The following IMP3 variants were observed in gnomAD, a reference collection of about 807,000 sequenced individuals.
The protein encoded by IMP3 is U3 small nucleolar ribonucleoprotein IMP3.
A neutral mutation model predicts 10.2 loss-of-function variants in IMP3; 17 were observed. The observed-to-expected ratio is 1.67, with a 90% CI of 1.14 to 2.50. The LOEUF (loss-of-function observed/expected upper bound fraction) is 2.50. IMP3 is among the 30% of genes most tolerant of loss of function. The pLI is 0.00. For synonymous variants in IMP3, 167 were observed against 120.1 expected, an observed-to-expected ratio of 1.39 and a Z score of -2.55; for missense variants, 290 against 260.2, an observed-to-expected ratio of 1.11 and a Z score of -0.79.
At position 75,639,633 on chromosome 15, in the gene IMP3, T is replaced by C. The variant is rs1893393743; in HGVS notation, c.536A>G (p.Asp179Gly). 2 of 1,613,666 alleles carry C rather than the reference T, an allele frequency of 1.2e-6. No individual in the cohort carries two copies. The highest frequency in any genetic ancestry group is 1.3e-5 in the African/African-American group (1 of 74,928). Residue 179 changes from aspartate (D) to glycine (G), a missense_variant, in exon 1 of 1, where the codon GAC becomes GGC. By Grantham distance (94) the Asp-to-Gly change is moderately conservative. Transcript: ENST00000403490. ...HVLEYNEERD[D>G]FDLEA is the part of the protein sequence containing the mutation. The stretch of plus-strand genomic sequence containing the variant: ...GATCCGCTAGGCTTCCAGATCGAAG[T>C]CATCGCGCTCCTCATTGTACTCTAG...
Position 75,639,774 on chromosome 15 carries a change from T to A in IMP3, c.395A>T (p.Glu132Val). Residue 132 changes from glutamate to valine, a missense_variant, in exon 1 of 1, where the codon GAG becomes GTG. Coordinates refer to ENST00000403490, the MANE Select transcript of IMP3 (RefSeq NM_018285.4). ...QHLQAAVAFV[E>V]QGHVRVGPDV... is the part of the protein sequence containing the mutation. ...AGGGCCCACGCGTACGTGCCCTTGCTCCACAAAGGCCACGGCAGCCTGAAG... is the reference window on the plus strand; with the variant it reads ...AGGGCCCACGCGTACGTGCCCTTGCACCACAAAGGCCACGGCAGCCTGAAG... 2.5e-6 allele frequency: 4 copies of A among 1,613,194 alleles called. No homozygotes were observed. Among genetic ancestry groups the A allele is most frequent in the Non-Finnish European group, 3.4e-6 (4 of 1,179,970 alleles).
In IMP3 at chr15:75,640,002, C is replaced by T; in HGVS notation, c.167G>A (p.Arg56His). Reference sequence around the variant, plus strand: ...GTCGCGCAGGCGCCGCGCCAGCTCACGCACGGCACGGCTCAGCTGGTTGTA... The same window carrying T: ...GTCGCGCAGGCGCCGCGCCAGCTCATGCACGGCACGGCTCAGCTGGTTGTA... Reference protein sequence around the residue: ...TRYNQLSRAVRELARRLRDLP... With the variant: ...TRYNQLSRAVHELARRLRDLP... Residue 56 changes from arginine to histidine, a missense_variant, in exon 1 of 1, where the codon CGT becomes CAT. Physicochemically the swap from Arg to His is conservative, Grantham distance 29. Coordinates refer to ENST00000403490, the MANE Select transcript of IMP3 (RefSeq NM_018285.4). The T allele has an allele frequency of 2.5e-6, 4 of 1,601,686 alleles. No homozygotes were observed. Among genetic ancestry groups the T allele is most frequent in the Non-Finnish European group, 3.4e-6 (4 of 1,175,008 alleles).
rs776414255 is a variant in IMP3, at chr15:75,639,965, G to A, written c.204C>T (p.Arg68=). ...CCGAAGCGCGCACGCGGAACTGGTC[G>A]CGTTCGGGCAGGTCGCGCAGGCGCC... is the stretch of plus-strand genomic sequence containing the variant. The part of the protein sequence containing the change: ...LARRLRDLPE[R]DQFRVRASAA... Residue 68 remains arginine, a synonymous_variant, in exon 1 of 1, where the codon CGC becomes CGT. Coordinates refer to ENST00000403490, the MANE Select transcript of IMP3 (RefSeq NM_018285.4). 6.2e-7 allele frequency: 1 copy of A among 1,604,768 alleles called. No homozygotes were observed. The highest frequency in any genetic ancestry group is 1.3e-5 in the African/African-American group (1 of 74,716).
chr15:75,639,545 A>G lies in IMP3; in HGVS notation c.*69T>C, dbSNP rs981260429. On this transcript the variant is annotated 3_prime_UTR_variant, in exon 1 of 1. Coordinates refer to ENST00000403490, the MANE Select transcript of IMP3 (RefSeq NM_018285.4). The stretch of plus-strand genomic sequence containing the variant: ...TGATACCCTTGAGGAGAGCACCCTC[A>G]TAGAATCTCCAGCATCAGGCCTCAG... The G allele has an allele frequency of 6.1e-5, 87 of 1,430,712 alleles. No homozygotes were observed. The African/African-American group carries it at 1.2e-3, about 20-fold the overall frequency. 88.6% of individuals were successfully genotyped at this position (1,430,712 alleles called of 1,614,324 possible).
At position 75,639,575 on chromosome 15, in the gene IMP3, C is replaced by T. The variant is rs370084628; in HGVS notation, c.*39G>A. 2.6e-3 allele frequency: 4,154 copies of T among 1,581,530 alleles called. 10 individuals carry two copies. Among genetic ancestry groups the T allele is most frequent in the South Asian group, 4.5e-3 (404 of 90,320 alleles). On this transcript the variant is annotated 3_prime_UTR_variant, in exon 1 of 1. Transcript: ENST00000403490. The stretch of plus-strand genomic sequence containing the variant: ...ATCTCCAGCATCAGGCCTCAGTTTT[C>T]CCATCTGTAAAAGACAGCCATGCAA...
chr15:75,640,045 G>A lies in IMP3; in HGVS notation c.124C>T (p.Arg42Trp). ...RVLRRYRLQR[R>W]EDYTRYNQLS... ...TGGTTGTAGCGCGTGTAGTCCTCCC[G>A]CCGCTGCAGCCGGTAACGCCGCAGC... The change falls in exon 1 of 1, where the codon CGG becomes TGG. Residue 42 changes from arginine (R) to tryptophan (W), a missense_variant. Physicochemically the swap from Arg to Trp is moderately radical, Grantham distance 101 (BLOSUM62 -3). Transcript: ENST00000403490. 1.9e-6 allele frequency: 3 copies of A among 1,605,948 alleles called. No homozygotes were observed. The highest frequency in any genetic ancestry group is 1.1e-5 in the South Asian group (1 of 90,274).
rs1893386372 is a variant in IMP3, at chr15:75,639,188, A to G, written c.*426T>C. ...GCTCAGTTTATAAAAACTTGAGGCC[A>G]AACTCTCCATCATCTGTACACAGCT... On this transcript the variant is annotated 3_prime_UTR_variant, in exon 1 of 1. Coordinates refer to ENST00000403490, the MANE Select transcript of IMP3 (RefSeq NM_018285.4). 5.7e-6 allele frequency: 1 copy of G among 176,828 alleles called. No individual in the cohort carries two copies. Among genetic ancestry groups the G allele is most frequent in the Non-Finnish European group, 1.2e-5 (1 of 81,600 alleles). 11.0% of individuals were successfully genotyped at this position (176,828 alleles called of 1,614,324 possible). A position where few individuals can be genotyped will look rare whatever the true frequency, so the allele number is the denominator to read the frequency against.
Position 75,640,104 on chromosome 15 carries a change from T to C in IMP3, c.65A>G (p.Glu22Gly). Residue 22 changes from glutamate (E) to glycine (G), a missense_variant, in exon 1 of 1, where the codon GAG (glutamate) becomes GGG (glycine). Coordinates refer to ENST00000403490, the MANE Select transcript of IMP3 (RefSeq NM_018285.4). ...LLKQVDFLNWEVTDHNLHELR... is the reference protein window; with the variant it reads ...LLKQVDFLNWGVTDHNLHELR... ...CTCGTGCAGGTTGTGGTCGGTGACC[T>C]CCCAGTTCAGGAAGTCCACCTGCTT... 6.3e-7 allele frequency: 1 copy of C among 1,598,162 alleles called. No homozygotes were observed.
At position 75,640,224 on chromosome 15, in the gene IMP3, C is replaced by A. The variant is rs910019363; in HGVS notation, c.-56G>T. 1.4e-5 allele frequency: 20 copies of A among 1,461,942 alleles called. No homozygotes were observed. The highest frequency in any genetic ancestry group is 2.6e-4 in the Middle Eastern group (1 of 3,918). The allele number at this position is 1,461,942 out of a possible 1,614,324, so 90.6% of individuals were successfully genotyped here. A position where few individuals can be genotyped will look rare whatever the true frequency, so the allele number is the denominator to read the frequency against. ...AGCTGAGAGCGCGTTCTGGCATCCG[C>A]GCGATTTCCGCCGCGGCGCCCCAAG... On this transcript the variant is annotated 5_prime_UTR_variant, in exon 1 of 1. Coordinates refer to ENST00000403490, the MANE Select transcript of IMP3 (RefSeq NM_018285.4).
Position 75,640,213 on chromosome 15 carries a change from T to C in IMP3, c.-45A>G, listed in dbSNP as rs370952107. On this transcript the variant is annotated 5_prime_UTR_variant, in exon 1 of 1. Coordinates refer to ENST00000403490, the MANE Select transcript of IMP3 (RefSeq NM_018285.4). Reference sequence around the variant, plus strand: ...GCAGGACCCGAAGCTGAGAGCGCGTTCTGGCATCCGCGCGATTTCCGCCGC... The same window carrying C: ...GCAGGACCCGAAGCTGAGAGCGCGTCCTGGCATCCGCGCGATTTCCGCCGC... The C allele has an allele frequency of 2.0e-6, 3 of 1,474,368 alleles. No individual in the cohort carries two copies. Among genetic ancestry groups the C allele is most frequent in the South Asian group, 1.4e-5 (1 of 71,396 alleles). 91.3% of individuals were successfully genotyped at this position (1,474,368 alleles called of 1,614,324 possible).
Position 75,640,039 on chromosome 15 carries a change from C to A in IMP3, c.130G>T (p.Asp44Tyr), listed in dbSNP as rs553010196. 85 of 1,599,292 alleles carry A rather than the reference C, an allele frequency of 5.3e-5. 1 individual carries two copies. In the East Asian group the frequency reaches 1.9e-3, roughly 36 times the overall value. The change falls in exon 1 of 1, where the codon GAC (aspartate) becomes TAC (tyrosine). Residue 44 changes from aspartate (D) to tyrosine (Y), a missense_variant. By Grantham distance (160) the Asp-to-Tyr change is radical. Coordinates refer to ENST00000403490, the MANE Select transcript of IMP3 (RefSeq NM_018285.4). The stretch of plus-strand genomic sequence containing the variant: ...CTCAGCTGGTTGTAGCGCGTGTAGT[C>A]CTCCCGCCGCTGCAGCCGGTAACGC... ...LRRYRLQRRE[D>Y]YTRYNQLSRA...
chr15:75,639,414 T>C lies in IMP3; in HGVS notation c.*200A>G, dbSNP rs1342463186. The C allele has an allele frequency of 1.7e-5, 10 of 590,032 alleles. No individual in the cohort carries two copies. Among genetic ancestry groups the C allele is most frequent in the Non-Finnish European group, 3.0e-5 (10 of 334,594 alleles). The allele number at this position is 590,032 out of a possible 1,614,324, so 36.5% of individuals were successfully genotyped here. A position where few individuals can be genotyped will look rare whatever the true frequency, so the allele number is the denominator to read the frequency against. On this transcript the variant is annotated 3_prime_UTR_variant, in exon 1 of 1. Coordinates refer to ENST00000403490, the MANE Select transcript of IMP3 (RefSeq NM_018285.4). ...CAAGGCACAGTCAATTAATAATCAGTAGTCCAAGTTCTAAGAACATTCCCT... is the reference window on the plus strand; with the variant it reads ...CAAGGCACAGTCAATTAATAATCAGCAGTCCAAGTTCTAAGAACATTCCCT...
chr15:75,639,500 C>CT lies in IMP3; in HGVS notation c.*113dup. On this transcript the variant is annotated 3_prime_UTR_variant, in exon 1 of 1. Transcript: ENST00000403490. ...TGGCCTGCCACTGATGAATCAAATT[C>CT]TTAAGAACCTACGACCGTCTGATAC... 1 of 919,052 alleles carries CT rather than the reference C, an allele frequency of 1.1e-6. No homozygotes were observed. Among genetic ancestry groups the CT allele is most frequent in the Non-Finnish European group, 1.7e-6 (1 of 603,138 alleles). The allele number at this position is 919,052 out of a possible 1,614,324, so 56.9% of individuals were successfully genotyped here. A position where few individuals can be genotyped will look rare whatever the true frequency, so the allele number is the denominator to read the frequency against.
Position 75,639,779 on chromosome 15 carries a change from A to T in IMP3, c.390T>A (p.Phe130Leu). ...MAQHLQAAVA[F>L]VEQGHVRVGP... ...CCACGCGTACGTGCCCTTGCTCCAC[A>T]AAGGCCACGGCAGCCTGAAGGTGCT... The change falls in exon 1 of 1, where the codon TTT becomes TTA. Residue 130 changes from phenylalanine (F) to leucine (L), a missense_variant. Phe to Leu is a conservative substitution (Grantham distance 22, BLOSUM62 0). Transcript: ENST00000403490. The T allele has an allele frequency of 6.2e-7, 1 of 1,613,148 alleles. No homozygotes were observed. Among genetic ancestry groups the T allele is most frequent in the Non-Finnish European group, 8.5e-7 (1 of 1,179,942 alleles).
Position 75,639,833 on chromosome 15 carries a change from G to T in IMP3, c.336C>A (p.Pro112=). ...TASSFCRRRL[P]TVLLKLRMAQ... ...CCATGCGCAGCTTGAGGAGCACGGTGGGGAGGCGGCGGCGGCAGAAGGACG... is the reference window on the plus strand; with the variant it reads ...CCATGCGCAGCTTGAGGAGCACGGTTGGGAGGCGGCGGCGGCAGAAGGACG... The change falls in exon 1 of 1, where the codon CCC becomes CCA. Residue 112 remains proline (P), a synonymous_variant. Transcript: ENST00000403490. 8 of 1,611,198 alleles carry T rather than the reference G, an allele frequency of 5.0e-6. No homozygotes were observed. Among genetic ancestry groups the T allele is most frequent in the Non-Finnish European group, 6.8e-6 (8 of 1,179,114 alleles).
rs1893395514 is a variant in IMP3 at position 75,639,714 on chromosome 15, C to A, written c.455G>T (p.Arg152Leu). Residue 152 changes from arginine (R) to leucine (L), a missense_variant, in exon 1 of 1, where the codon CGC becomes CTC. By Grantham distance (102) the Arg-to-Leu change is moderately radical. Coordinates refer to ENST00000403490, the MANE Select transcript of IMP3 (RefSeq NM_018285.4). ...CCAAGTGACAAAGTCCTCCATGCTG[C>A]GCGTGACAAGGAAGGCGGGGTCGGT... ...VVTDPAFLVT[R>L]SMEDFVTWVD... The A allele has an allele frequency of 6.2e-7, 1 of 1,613,740 alleles. No homozygotes were observed. Among genetic ancestry groups the A allele is most frequent in the Non-Finnish European group, 8.5e-7 (1 of 1,180,056 alleles).
In IMP3 at chr15:75,639,969, T is replaced by C. The variant is rs765114964; in HGVS notation, c.200A>G (p.Glu67Gly). The C allele has an allele frequency of 4.4e-6, 7 of 1,604,328 alleles. 1 individual carries two copies. In the South Asian group the frequency reaches 7.8e-5, roughly 18 times the overall value. ...ELARRLRDLP[E>G]RDQFRVRASA... The stretch of plus-strand genomic sequence containing the variant: ...AGCGCGCACGCGGAACTGGTCGCGT[T>C]CGGGCAGGTCGCGCAGGCGCCGCGC... Residue 67 changes from glutamate to glycine, a missense_variant, in exon 1 of 1, where the codon GAA (glutamate) becomes GGA (glycine). Transcript: ENST00000403490.
rs1566964337 is a variant in IMP3 at position 75,639,891 on chromosome 15, C to T, written c.278G>A (p.Gly93Asp). The T allele has an allele frequency of 4.3e-6, 7 of 1,611,148 alleles. No individual in the cohort carries two copies. The highest frequency in any genetic ancestry group is 5.9e-6 in the Non-Finnish European group (7 of 1,179,202). ...LYALGLVPTR[G>D]SLELCDFVTA... ...GACGAAGTCGCAGAGCTCCAGCGAA[C>T]CGCGCGTGGGCACCAAGCCGAGAGC... Residue 93 changes from glycine to aspartate, a missense_variant, in exon 1 of 1, where the codon GGT becomes GAT. By Grantham distance (94) the Gly-to-Asp change is moderately conservative. Coordinates refer to ENST00000403490, the MANE Select transcript of IMP3 (RefSeq NM_018285.4).
chr15:75,639,747 T>C lies in IMP3; in HGVS notation c.422A>G (p.Asp141Gly), dbSNP rs762400574. ...AAGGAAGGCGGGGTCGGTAACCACG[T>C]CAGGGCCCACGCGTACGTGCCCTTG... ...VEQGHVRVGPDVVTDPAFLVT... is the reference protein window; with the variant it reads ...VEQGHVRVGPGVVTDPAFLVT... Residue 141 changes from aspartate to glycine, a missense_variant, in exon 1 of 1, where the codon GAC becomes GGC. Coordinates refer to ENST00000403490, the MANE Select transcript of IMP3 (RefSeq NM_018285.4). 7 of 1,613,396 alleles carry C rather than the reference T, an allele frequency of 4.3e-6. No individual in the cohort carries two copies.
Sources: gnomAD v4.1 joint callset for allele counts on GRCh38, gnomAD v4.1.1 for gene constraint, MANE v1.5 for transcripts, NCBI Gene and HGNC (gene_info 2026-07-23, HGNC 2026-07-21) for gene names.